Variants in FGFR2 observed in about 807,000 individuals in gnomAD.
FGFR2 encodes the protein fibroblast growth factor receptor 2.
Under a neutral mutation model 95.9 loss-of-function variants are expected in FGFR2, and 19 were observed. The ratio of observed to expected loss-of-function variants is 0.20; its 90% CI spans 0.14 to 0.29. FGFR2 has a LOEUF of 0.29. Ranked by LOEUF, FGFR2 falls within the 10% of genes least tolerant of loss-of-function variation. The probability of loss-of-function intolerance (pLI) is 1.00; values close to 1 mark genes in which losing one functional copy is unlikely to be tolerated. For missense variants in FGFR2, 707 were observed against 1,056.9 expected, an observed-to-expected ratio of 0.67 and a Z score of 4.59; for synonymous variants, 392 against 393.3, an observed-to-expected ratio of 1.00 and a Z score of 0.04.
rs1050478463 is a variant in FGFR2, at chr10:121,518,156, T to C, written c.940-693A>G. On this transcript the variant is annotated intron_variant, in intron 7 of 17. Transcript: ENST00000358487. This position sits in a 1 kb window ranked among gnomAD's most constrained non-coding sequence, Gnocchi z 4.0. ...TTTTGCCTTTAGTAGCGTCCAGTAG[T>C]ACATTCATTAAGATGAGCTCCCCTC... The C allele has an allele frequency of 4.1e-5, 12 of 294,818 alleles. No individual in the cohort carries two copies. The highest frequency in any genetic ancestry group is 8.6e-5 in the East Asian group (1 of 11,662). The allele number at this position is 294,818 out of a possible 1,614,324, so 18.3% of individuals were successfully genotyped here.
intron 6 of FGFR2, chr10:121,530,487 A>G: frequency 6.6e-6 from 1 of 152,590 alleles, no homozygotes; most frequent in Non-Finnish European, 1.5e-5. Flanking sequence ...GCCAGGCATG[A>G]TGATGTCCGC....
At chr10:121,506,234 T>C (rs1848250165) in intron 9 of FGFR2, among the ~76,000 whole-genome samples, 3 of 151,460 alleles carry the variant, frequency 2.0e-5, no homozygotes, top group Admixed American at 6.6e-5. Context: ...GGTAGGCGCC[T>C]GTAATCCCAG....
chr10:121,581,707 G>A (rs45631631), intron 2 of FGFR2, among the ~76,000 whole-genome samples: 2,083 of 146,150 alleles, frequency 0.014, 20 homozygotes, highest in Non-Finnish European at 0.025. Context: ...AGCTGTGATT[G>A]CACCACTGCA....
At chr10:121,505,613 G>A (rs1057218752) in intron 9 of FGFR2, among the ~76,000 whole-genome samples, 46 of 152,166 alleles carry the variant, frequency 3.0e-4, no homozygotes, top group African/African-American at 1.0e-3. Context: ...TGCTCCTGGG[G>A]AATCCGTCCT....
At chr10:121,570,658 G>A (rs1590034966) in intron 2 of FGFR2, among the ~76,000 whole-genome samples, 1 of 152,256 alleles carries the variant, frequency 6.6e-6, no homozygotes, top group Non-Finnish European at 1.5e-5. Context: ...GAAGGTTCCA[G>A]AAGCCGCCTT....
chr10:121,538,374 CCATGAGGAT>C, intron 6 of FGFR2: 2 of 807,738 alleles, frequency 2.5e-6, no homozygotes, highest in Non-Finnish European at 4.5e-6. Context: ...CGCTTGGGAA[CCATGAGGAT>C]CATGCAAAGC....
At position 121,485,614 on chromosome 10, in the gene FGFR2, C is replaced by T; in HGVS notation, c.2058-82G>A. On this transcript the variant is annotated intron_variant, in intron 15 of 17. Transcript: ENST00000358487. The surrounding 1 kb of genome is among the most constrained non-coding windows in gnomAD (Gnocchi z 4.2). Reference sequence around the variant, plus strand: ...AACACGCCCAGCTGAGACATAAACACCTCCTCACTTCTGAAGTTCAAAGAC... The same window carrying T: ...AACACGCCCAGCTGAGACATAAACATCTCCTCACTTCTGAAGTTCAAAGAC... 1 of 1,585,344 alleles carries T rather than the reference C, an allele frequency of 6.3e-7. No homozygotes were observed. The highest frequency in any genetic ancestry group is 8.6e-7 in the Non-Finnish European group (1 of 1,157,666).
At chr10:121,571,955 A>T (rs72832382) in intron 2 of FGFR2, among the ~76,000 whole-genome samples, 13,922 of 84,676 alleles carry the variant, frequency 0.16, 867 homozygotes, top group African/African-American at 0.27. Context: ...AAAAAAAAAT[A>T]AAAAAAAAAA....
intron 2 of FGFR2, among the ~76,000 whole-genome samples, chr10:121,570,234 C>T (rs1356397822): frequency 6.6e-6 from 1 of 152,272 alleles, no homozygotes; most frequent in Non-Finnish European, 1.5e-5. Context: ...CTTAGCTTCT[C>T]TTCTGGGTTT....
chr10:121,498,365 G>A, intron 12 of FGFR2, 130 bp downstream of exon 12: 1 of 718,100 alleles, frequency 1.4e-6, no homozygotes. Context: ...TTCCAATGGG[G>A]ATTTTAAAAA....
At chr10:121,533,389 C>G (rs1852356457) in intron 6 of FGFR2, among the ~76,000 whole-genome samples, 1 of 152,122 alleles carries the variant, frequency 6.6e-6, no homozygotes, top group African/African-American at 2.4e-5. Flanking sequence ...GACTCTGTCT[C>G]AAAAAACACA....
intron 6 of FGFR2, among the ~76,000 whole-genome samples, chr10:121,536,258 T>C (rs1243195938): frequency 6.6e-6 from 1 of 152,230 alleles, no homozygotes; most frequent in African/African-American, 2.4e-5. Flanking sequence ...ACTAGGGTTT[T>C]GAGCAGAGAT....
intron 10 of FGFR2, among the ~76,000 whole-genome samples, chr10:121,502,363 T>G (rs3135780): frequency 0.027 from 4,151 of 152,304 alleles, 85 homozygotes; most frequent in African/African-American, 0.045. Flanking sequence ...ATGCCTTGAG[T>G]GAATGAATAA....
chr10:121,541,101 C>T (rs1207194431), intron 5 of FGFR2, among the ~76,000 whole-genome samples: 1 of 152,142 alleles, frequency 6.6e-6, no homozygotes, highest in Non-Finnish European at 1.5e-5. Context: ...CCTGGAGATG[C>T]ACTACAAATA....
intron 2 of FGFR2, among the ~76,000 whole-genome samples, chr10:121,572,232 G>C (rs998891210): frequency 2.6e-5 from 4 of 151,694 alleles, no homozygotes; most frequent in African/African-American, 9.7e-5. Flanking sequence ...GCTGAGGTAG[G>C]AAGATCGCTT....
chr10:121,564,664 A>T, intron 3 of FGFR2, 85 bp from the exon 4 acceptor site: 1 of 1,235,758 alleles, frequency 8.1e-7, no homozygotes, highest in Non-Finnish European at 1.2e-6. Context: ...CCTTCTCCAT[A>T]GCAAAGTCAA....
At chr10:121,562,745 A>G (rs138249318) in intron 4 of FGFR2, among the ~76,000 whole-genome samples, 3 of 152,242 alleles carry the variant, frequency 2.0e-5, no homozygotes, top group Non-Finnish European at 4.4e-5. Context: ...TAAAGGCTAC[A>G]CACTGTATGA....
At chr10:121,516,528 A>C (rs1849729806) in intron 8 of FGFR2, among the ~76,000 whole-genome samples, 1 of 152,222 alleles carries the variant, frequency 6.6e-6, no homozygotes. Flanking sequence ...TAATAACTGG[A>C]GTGGAACATC....
chr10:121,552,880 GCA>G (rs750799891), intron 4 of FGFR2, among the ~76,000 whole-genome samples: 1 of 152,186 alleles, frequency 6.6e-6, no homozygotes, highest in Non-Finnish European at 1.5e-5. Context: ...CTGAACAACA[GCA>G]CACACAGTTC....
Sources: allele counts gnomAD v4.1 joint callset (sites outside exome capture counted in the v4.1 genomes callset), GRCh38; gene constraint gnomAD v4.1.1; non-coding constraint Gnocchi (gnomAD v3.1); transcripts MANE v1.5; gene names NCBI Gene and HGNC (gene_info 2026-07-23, HGNC 2026-07-21).